FSTL5: variants seen among roughly 807,000 people sequenced by gnomAD.
FSTL5 encodes the protein follistatin-related protein 5.
In FSTL5, 62 loss-of-function variants were observed where a neutral mutation model predicts 89.1. The ratio of observed to expected loss-of-function variants is 0.70; its 90% CI spans 0.57 to 0.86. The LOEUF is 0.86. FSTL5 is among the 40% of genes least tolerant of loss of function. The pLI, the probability that FSTL5 is intolerant of heterozygous loss-of-function variation, is 0.00. For synonymous variants in FSTL5, 383 were observed against 346.2 expected (o/e 1.11, Z -1.18); for missense variants, 1,057 against 1,001.6 (o/e 1.06, Z -0.75).
At chr4:161,936,810 A>C (rs2110911216) in intron 3 of FSTL5, among the ~76,000 whole-genome samples, 3 of 152,302 alleles carry the variant, frequency 2.0e-5, no homozygotes, top group Admixed American at 2.0e-4. Flanking sequence ...ACCACAGTGC[A>C]TTCCACCCCA....
intron 1 of FSTL5, among the ~76,000 whole-genome samples, chr4:162,115,625 G>A (rs1435680111): frequency 6.6e-6 from 1 of 152,086 alleles, no homozygotes; most frequent in East Asian, 1.9e-4. Context: ...GAAAGCATCA[G>A]AAAACAACCT....
chr4:161,606,207 C>T (rs578040659), intron 7 of FSTL5, among the ~76,000 whole-genome samples: 1 of 151,522 alleles, frequency 6.6e-6, no homozygotes, highest in South Asian at 2.1e-4. Flanking sequence ...CCAAGCTGAC[C>T]CCCAAATTTT....
chr4:161,731,445 C>T (rs899955351), intron 6 of FSTL5, among the ~76,000 whole-genome samples: 5 of 151,952 alleles, frequency 3.3e-5, no homozygotes, highest in Non-Finnish European at 7.4e-5. Flanking sequence ...TGAGTTCTCA[C>T]GAGATCTGAT....
chr4:161,944,160 A>G (rs1734672615), intron 3 of FSTL5, among the ~76,000 whole-genome samples: 1 of 152,130 alleles, frequency 6.6e-6, no homozygotes. Flanking sequence ...TTTAATTCTG[A>G]AATTGGATGT....
rs184774607 is a variant in FSTL5, at chr4:162,063,026, G to A, written c.127-29368C>T. Among the ~76,000 whole-genome samples the A allele has an allele frequency of 4.6e-5, 7 of 151,366 alleles. 1 individual carries two copies. The South Asian group carries it at 6.2e-4, about 13-fold the overall frequency. ...TAAATTGTGCTTTTTTCCTTTGTCC[G>A]TCAAGATATTTTCTGAATACCTTAT... On this transcript the variant is annotated intron_variant, in intron 2 of 15. Coordinates refer to ENST00000306100, the MANE Select transcript of FSTL5 (RefSeq NM_020116.5).
At chr4:161,916,211 T>C (rs1233486930) in intron 4 of FSTL5, among the ~76,000 whole-genome samples, 1 of 152,230 alleles carries the variant, frequency 6.6e-6, no homozygotes, top group Non-Finnish European at 1.5e-5. Context: ...CATTTACCTT[T>C]ATGGCAGTTT....
Position 161,587,697 on chromosome 4 carries a change from A to C in FSTL5, c.895-122T>G. On this transcript the variant is annotated intron_variant, in intron 7 of 15. Coordinates refer to ENST00000306100, the MANE Select transcript of FSTL5 (RefSeq NM_020116.5). Reference sequence around the variant, plus strand: ...TCAAATATTGTTTTAAAATTATCAAAATGAGCATTGTTGGGTGTATAAGCG... The same window carrying C: ...TCAAATATTGTTTTAAAATTATCAACATGAGCATTGTTGGGTGTATAAGCG... The C allele has an allele frequency of 4.5e-6, 3 of 662,164 alleles. No homozygotes were observed. The South Asian group carries it at 7.0e-5, about 16-fold the overall frequency. The allele number at this position is 662,164 out of a possible 1,614,324, so 41.0% of individuals were successfully genotyped here.
chr4:161,473,268 G>A (rs559614292), intron 13 of FSTL5, among the ~76,000 whole-genome samples: 1 of 152,168 alleles, frequency 6.6e-6, no homozygotes, highest in Non-Finnish European at 1.5e-5. Flanking sequence ...AGTTATCATT[G>A]TAGAACTCCC....
At chr4:162,095,331 A>G (rs1183961728) in intron 2 of FSTL5, among the ~76,000 whole-genome samples, 1 of 152,088 alleles carries the variant, frequency 6.6e-6, no homozygotes, top group Non-Finnish European at 1.5e-5. Context: ...TAGTTGGGAA[A>G]TTCTAGGTTA....
At chr4:162,047,271 A>C (rs1227804854) in intron 2 of FSTL5, 2 of 152,164 alleles carry the variant, frequency 1.3e-5, no homozygotes, top group Admixed American at 1.3e-4. Context: ...TAGTTTTATT[A>C]GTTGGGAAAT....
intron 10 of FSTL5, among the ~76,000 whole-genome samples, chr4:161,533,311 G>A (rs1321496097): frequency 6.7e-6 from 1 of 150,214 alleles, no homozygotes; most frequent in African/African-American, 2.5e-5. Context: ...GAATAAAAAC[G>A]TTGACCACTA....
chr4:162,157,616 A>G (rs1238244829), intron 1 of FSTL5, among the ~76,000 whole-genome samples: 1 of 152,182 alleles, frequency 6.6e-6, no homozygotes, highest in African/African-American at 2.4e-5. Flanking sequence ...CTTCTTGTCA[A>G]AAGTGAAACA....
intron 4 of FSTL5, among the ~76,000 whole-genome samples, chr4:161,797,911 T>A (rs574876850): frequency 1.3e-5 from 2 of 151,730 alleles, no homozygotes; most frequent in African/African-American, 4.8e-5. Context: ...ATGAATGTTA[T>A]GTCCATCACA....
intron 6 of FSTL5, among the ~76,000 whole-genome samples, chr4:161,699,281 T>C (rs1204522444): frequency 6.6e-6 from 1 of 152,204 alleles, no homozygotes; most frequent in Non-Finnish European, 1.5e-5. Flanking sequence ...GAACCTATGA[T>C]GTATACATAA....
intron 11 of FSTL5, among the ~76,000 whole-genome samples, chr4:161,503,272 T>C (rs1416015323): frequency 6.6e-6 from 1 of 151,818 alleles, no homozygotes; most frequent in Non-Finnish European, 1.5e-5. Context: ...TTTGCAGGTA[T>C]CTATTCATTA....
intron 3 of FSTL5, among the ~76,000 whole-genome samples, chr4:161,996,552 C>A (rs746023772): frequency 6.6e-6 from 1 of 152,212 alleles, no homozygotes; most frequent in Non-Finnish European, 1.5e-5. Context: ...TCAATCCATG[C>A]TCTATATTGT....
intron 15 of FSTL5, among the ~76,000 whole-genome samples, chr4:161,409,895 G>A (rs562433388): frequency 6.6e-6 from 1 of 152,264 alleles, no homozygotes; most frequent in Admixed American, 6.5e-5. Context: ...AACCTTGAAT[G>A]TAAATAGGCT....
chr4:161,939,366 A>G (rs1279737922), intron 3 of FSTL5, among the ~76,000 whole-genome samples: 1 of 151,968 alleles, frequency 6.6e-6, no homozygotes, highest in Non-Finnish European at 1.5e-5. Context: ...TCATATTGAA[A>G]TATTTGTAAA....
At chr4:161,920,256 A>G in intron 4 of FSTL5, 148 bp downstream of exon 4, 1 of 702,810 alleles carries the variant, frequency 1.4e-6, no homozygotes, top group South Asian at 2.0e-5. Flanking sequence ...ATTTCCACAC[A>G]CTGCTACTTA....
Sources: gnomAD v4.1 joint callset for allele counts (sites outside exome capture counted in the v4.1 genomes callset) on GRCh38, gnomAD v4.1.1 for gene constraint, MANE v1.5 for transcripts, NCBI Gene and HGNC (gene_info 2026-07-23, HGNC 2026-07-21) for gene names.